PAPPA2: variants seen among roughly 807,000 people sequenced by gnomAD.
The protein encoded by PAPPA2 is pappalysin-2.
In PAPPA2, 86 loss-of-function variants were observed where a neutral mutation model predicts 176.4. The observed-to-expected ratio is 0.49, with a 90% CI of 0.41 to 0.58. The LOEUF is 0.58. Ranked by LOEUF, PAPPA2 falls within the 20% of genes least tolerant of loss-of-function variation. The pLI is 0.00. For synonymous variants in PAPPA2, 809 were observed against 852.2 expected, an observed-to-expected ratio of 0.95 and a Z score of 0.88; for missense variants, 2,073 against 2,256.9, an observed-to-expected ratio of 0.92 and a Z score of 1.65.
intron 1 of PAPPA2, among the ~76,000 whole-genome samples, chr1:176,524,168 A>C (rs1268216452): frequency 6.6e-6 from 1 of 152,172 alleles, no homozygotes; most frequent in East Asian, 1.9e-4. Flanking sequence ...TTTTTCAGTC[A>C]TTATGGCTTA....
chr1:176,770,443 C>T (rs898230528), intron 16 of PAPPA2, among the ~76,000 whole-genome samples: 14 of 152,168 alleles, frequency 9.2e-5, no homozygotes, highest in African/African-American at 3.4e-4. Flanking sequence ...CTGTTCAAAC[C>T]GTGATTCTGC....
At chr1:176,526,105 TGTTTATGGATTCCTC>T (rs1649488612) in intron 1 of PAPPA2, among the ~76,000 whole-genome samples, 1 of 152,188 alleles carries the variant, frequency 6.6e-6, no homozygotes, top group South Asian at 2.1e-4. Flanking sequence ...ACTCTGAAGC[TGTTTATGGATTCCTC>T]TACTCCTTGC....
rs1224903998 is a variant in PAPPA2 at position 176,765,732 on chromosome 1, G to A, written c.4218G>A (p.Val1406=). 1 of 1,613,888 alleles carries A rather than the reference G, an allele frequency of 6.2e-7. No homozygotes were observed. The highest frequency in any genetic ancestry group is 8.5e-7 in the Non-Finnish European group (1 of 1,180,022). ...CPSLLLDHAD[V]VNCTSIGPGL... ...CATTGCTGCTTGATCATGCTGATGT[G>A]GTGAACTGTACCTCTATAGGCCCAG... The change falls in exon 15 of 23, where the codon GTG becomes GTA. Residue 1406 remains valine (V), a synonymous_variant. Transcript: ENST00000367662.
intron 1 of PAPPA2, among the ~76,000 whole-genome samples, chr1:176,495,309 GGCAGGCGAAT>G (rs1426168499): frequency 6.6e-6 from 1 of 152,080 alleles, no homozygotes; most frequent in African/African-American, 2.4e-5. Flanking sequence ...GGGAGGCCGA[GGCAGGCGAAT>G]CACCTAAGGT....
chr1:176,601,058 G>A (rs1027285677), intron 3 of PAPPA2, among the ~76,000 whole-genome samples: 2 of 152,176 alleles, frequency 1.3e-5, no homozygotes, highest in African/African-American at 4.8e-5. Context: ...AAGCAACAGT[G>A]TTGAGAGGTG....
chr1:176,502,550 T>C (rs1051729257), intron 1 of PAPPA2, among the ~76,000 whole-genome samples: 8 of 152,170 alleles, frequency 5.3e-5, no homozygotes, highest in African/African-American at 1.9e-4. Flanking sequence ...TGCTCCACCC[T>C]TGAACAACTA....
intron 12 of PAPPA2, among the ~76,000 whole-genome samples, chr1:176,713,037 G>A (rs6425393): frequency 0.61 from 93,328 of 151,994 alleles, 31,401 homozygotes; most frequent in African/African-American, 0.91. Context: ...TTCATAATTT[G>A]TATTATTTCA....
At chr1:176,470,494 T>C (rs1205111138) in intron 1 of PAPPA2, among the ~76,000 whole-genome samples, 1 of 152,122 alleles carries the variant, frequency 6.6e-6, no homozygotes, top group African/African-American at 2.4e-5. Flanking sequence ...CAGAAGGACA[T>C]GTTCTCAATC....
intron 6 of PAPPA2, 96 bp downstream of exon 6, chr1:176,692,414 TG>T: frequency 7.8e-7 from 1 of 1,284,176 alleles, no homozygotes; most frequent in Non-Finnish European, 1.1e-6. Flanking sequence ...AACTCCAATT[TG>T]GAAGTATAAA....
intron 7 of PAPPA2, among the ~76,000 whole-genome samples, chr1:176,698,369 A>G (rs1660480926): frequency 1.3e-5 from 2 of 152,190 alleles, no homozygotes; most frequent in South Asian, 4.1e-4. Context: ...TCTCGATTCA[A>G]CACTCTCTCT....
rs775073136 is a variant in PAPPA2 at position 176,740,220 on chromosome 1, T to G, written c.4151+24T>G. 4 of 1,597,810 alleles carry G rather than the reference T, an allele frequency of 2.5e-6. No homozygotes were observed. In the African/African-American group the frequency reaches 4.0e-5, roughly 16 times the overall value. ...AGGTACAAACTTCCCTTTCTTTCTT[T>G]TGTTTCCTTTTCTTGTGGCTCTAAT... is the stretch of plus-strand genomic sequence containing the variant. On this transcript the variant is annotated intron_variant, in intron 14 of 22. Coordinates refer to ENST00000367662, the MANE Select transcript of PAPPA2 (RefSeq NM_020318.3).
chr1:176,563,820 A>C (rs1651803445), intron 2 of PAPPA2, among the ~76,000 whole-genome samples: 1 of 152,088 alleles, frequency 6.6e-6, no homozygotes, highest in Admixed American at 6.5e-5. Flanking sequence ...ACATCACTGC[A>C]TTTTCACTGA....
chr1:176,802,269 G>T (rs891743862), intron 21 of PAPPA2, among the ~76,000 whole-genome samples: 1 of 152,024 alleles, frequency 6.6e-6, no homozygotes, highest in Non-Finnish European at 1.5e-5. Flanking sequence ...AACGATACAG[G>T]TGAATCAATC....
At chr1:176,579,567 C>T (rs1383299151) in intron 2 of PAPPA2, among the ~76,000 whole-genome samples, 1 of 152,180 alleles carries the variant, frequency 6.6e-6, no homozygotes, top group South Asian at 2.1e-4. Flanking sequence ...TGAGTCAGAT[C>T]CCAGTCATCT....
intron 14 of PAPPA2, among the ~76,000 whole-genome samples, chr1:176,748,191 C>T (rs12136013): frequency 1.2e-4 from 18 of 152,252 alleles, no homozygotes; most frequent in Non-Finnish European, 2.2e-4. Context: ...CTGAGATAGG[C>T]GAATGTATGC....
intron 12 of PAPPA2, among the ~76,000 whole-genome samples, chr1:176,724,117 A>T (rs989109482): frequency 1.3e-5 from 2 of 152,202 alleles, no homozygotes; most frequent in African/African-American, 4.8e-5. Context: ...CACCTATAAT[A>T]TGCCAAAACC....
Position 176,549,263 on chromosome 1 carries a change from G to A in PAPPA2, c.-916-6144G>A, listed in dbSNP as rs540304008. Among the ~76,000 whole-genome samples the A allele has an allele frequency of 2.6e-5, 4 of 152,240 alleles. No homozygotes were observed. The South Asian group carries it at 8.3e-4, about 32-fold the overall frequency. ...TCTGCATATCAGTGTTTTTAATAAAGTCACATTCGAATATATGGCTTTCTT... is the reference window on the plus strand; with the variant it reads ...TCTGCATATCAGTGTTTTTAATAAAATCACATTCGAATATATGGCTTTCTT... On this transcript the variant is annotated intron_variant, in intron 1 of 22. Coordinates refer to ENST00000367662, the MANE Select transcript of PAPPA2 (RefSeq NM_020318.3).
chr1:176,825,230 C>T (rs917160573), intron 21 of PAPPA2, among the ~76,000 whole-genome samples: 2 of 152,182 alleles, frequency 1.3e-5, no homozygotes, highest in Admixed American at 6.5e-5. Flanking sequence ...TTTGCTCATA[C>T]TTACTTCACC....
rs1311365506 is a variant in PAPPA2, at chr1:176,695,842, C to T, written c.2729C>T (p.Thr910Ile). 1.9e-6 allele frequency: 3 copies of T among 1,613,924 alleles called. No homozygotes were observed. The highest frequency in any genetic ancestry group is 1.7e-4 in the Middle Eastern group (1 of 6,028). ...RRVCDSSGYW[T>I]PEEAVGPPDV... ...GTGTGTGACTCCTCAGGTTATTGGA[C>T]CCCAGAGGAGGCTGTGGGTAAAGTA... The change falls in exon 7 of 23, where the codon ACC becomes ATC. Residue 910 changes from threonine to isoleucine, a missense_variant. Thr to Ile is a moderately conservative substitution (Grantham distance 89). Transcript: ENST00000367662.
Sources: allele counts gnomAD v4.1 joint callset (sites outside exome capture counted in the v4.1 genomes callset), GRCh38; gene constraint gnomAD v4.1.1; transcripts MANE v1.5; gene names NCBI Gene and HGNC (gene_info 2026-07-23, HGNC 2026-07-21).